The following MGAT4C variants were observed in gnomAD, a reference collection of about 807,000 sequenced individuals.
The protein encoded by MGAT4C is MGAT4 family member C, also known as alpha-1,3-mannosyl-glycoprotein 4-beta-N-acetylglucosaminyltransferase C.
MGAT4C carries 19 observed loss-of-function variants against 40.1 expected under a neutral mutation model. That is an observed-to-expected ratio of 0.47 (90% CI 0.33 to 0.70). MGAT4C has a LOEUF of 0.70. MGAT4C is among the 30% of genes least tolerant of loss of function. The pLI is 0.02. For synonymous variants in MGAT4C, 181 were observed against 187.1 expected, an observed-to-expected ratio of 0.97 and a Z score of 0.27; for missense variants, 491 against 563.2, an observed-to-expected ratio of 0.87 and a Z score of 1.30.
intron 1 of MGAT4C, among the ~76,000 whole-genome samples, chr12:86,775,890 C>T (rs1423888013): frequency 2.0e-5 from 3 of 151,430 alleles, no homozygotes; most frequent in African/African-American, 7.3e-5. Flanking sequence ...GAGTCATTAT[C>T]AATCATAGGA....
chr12:86,035,734 A>G (rs1891170962), intron 2 of MGAT4C, among the ~76,000 whole-genome samples: 1 of 149,946 alleles, frequency 6.7e-6, no homozygotes, highest in Admixed American at 6.7e-5. Context: ...TCTTTAGTCC[A>G]TCTTGGGTTA....
Position 86,785,099 on chromosome 12 carries a change from AGCTGCCAGGAAT to A in MGAT4C, c.-262+53555_-262+53566del, listed in dbSNP as rs1156675925. On this transcript the variant is annotated intron_variant, in intron 1 of 7. Coordinates refer to the MGAT4C transcript ENST00000548651. ...GTTTCATCAAATGAAAGGCACCATTAGCTGCCAGGAATAACTCTATAAATACAGTCGCTAAAT... is the reference window on the plus strand; with the variant it reads ...GTTTCATCAAATGAAAGGCACCATTAAACTCTATAAATACAGTCGCTAAAT... Among the ~76,000 whole-genome samples, 3 of 152,048 alleles carry A rather than the reference AGCTGCCAGGAAT, an allele frequency of 2.0e-5. No individual in the cohort carries two copies. The East Asian group carries it at 5.8e-4, about 29-fold the overall frequency.
intron 2 of MGAT4C, among the ~76,000 whole-genome samples, chr12:86,525,203 T>C (rs1958860698): frequency 6.6e-6 from 1 of 152,184 alleles, no homozygotes; most frequent in Non-Finnish European, 1.5e-5. Context: ...GTTCTCATTA[T>C]ACTGAGTGAG....
chr12:86,699,677 A>T (rs1950320481), intron 2 of MGAT4C, among the ~76,000 whole-genome samples: 1 of 152,180 alleles, frequency 6.6e-6, no homozygotes, highest in South Asian at 2.1e-4. Flanking sequence ...TATCATAGAA[A>T]ATGGATTAAC....
intron 1 of MGAT4C, among the ~76,000 whole-genome samples, chr12:86,183,563 A>G (rs1888358734): frequency 6.6e-6 from 1 of 152,334 alleles, no homozygotes; most frequent in South Asian, 2.1e-4. Flanking sequence ...TAATCAGCTC[A>G]GGCTACCATA....
At chr12:86,566,564 ATATATATAT>A (rs1960121519) in intron 2 of MGAT4C, among the ~76,000 whole-genome samples, 1 of 116,894 alleles carries the variant, frequency 8.6e-6, no homozygotes, top group Non-Finnish European at 1.8e-5. Context: ...ATATATATAT[ATATATATAT>A]ATGTATATGT....
At chr12:86,600,331 C>T (rs1440023192) in intron 2 of MGAT4C, among the ~76,000 whole-genome samples, 1 of 152,088 alleles carries the variant, frequency 6.6e-6, no homozygotes, top group African/African-American at 2.4e-5. Context: ...ATAGGTGGGA[C>T]GTGCATCGGT....
intron 2 of MGAT4C, among the ~76,000 whole-genome samples, chr12:86,013,312 G>A (rs1039674129): frequency 1.3e-5 from 2 of 152,062 alleles, no homozygotes; most frequent in Non-Finnish European, 2.9e-5. Flanking sequence ...GGAGTGCAGT[G>A]GCGCGATCTC....
chr12:86,375,589 A>G (rs1955809025), intron 3 of MGAT4C, among the ~76,000 whole-genome samples: 1 of 152,080 alleles, frequency 6.6e-6, no homozygotes, highest in Non-Finnish European at 1.5e-5. Context: ...ATTCTTCCAA[A>G]CTAGGATACA....
intron 2 of MGAT4C, among the ~76,000 whole-genome samples, chr12:86,667,551 T>C (rs1964144487): frequency 6.6e-6 from 1 of 152,172 alleles, no homozygotes; most frequent in Non-Finnish European, 1.5e-5. Context: ...TCAGTCTCTG[T>C]TACTATTAAA....
intron 4 of MGAT4C, among the ~76,000 whole-genome samples, chr12:86,286,078 G>T (rs140797873): frequency 3.3e-5 from 5 of 152,010 alleles, no homozygotes; most frequent in African/African-American, 1.2e-4. Flanking sequence ...TAAACATACT[G>T]TGTAGAAATA....
At chr12:86,564,352 C>A (rs1250416620) in intron 2 of MGAT4C, among the ~76,000 whole-genome samples, 1 of 152,046 alleles carries the variant, frequency 6.6e-6, no homozygotes, top group African/African-American at 2.4e-5. Context: ...CTTCAGCTGG[C>A]AAGGCCAGCA....
intron 2 of MGAT4C, among the ~76,000 whole-genome samples, chr12:86,709,116 G>A (rs920350137): frequency 2.0e-5 from 3 of 152,106 alleles, no homozygotes; most frequent in Non-Finnish European, 4.4e-5. Context: ...CCAGTGGGAG[G>A]TAATTGAATC....
intron 1 of MGAT4C, among the ~76,000 whole-genome samples, chr12:86,170,299 C>T (rs1448975958): frequency 1.3e-5 from 2 of 152,094 alleles, no homozygotes; most frequent in Non-Finnish European, 2.9e-5. Context: ...TTCATAAAAG[C>T]TCAAAAATGT....
In MGAT4C at chr12:85,965,163, A is replaced by C. The variant is rs1374902922; in HGVS notation, c.*14126T>G. On this transcript the variant is annotated 3_prime_UTR_variant, in exon 5 of 5. Transcript: ENST00000611864. Reference sequence around the variant, plus strand: ...ACTTTAAGTTTTAGGGTACATGTGCATAACGTGCAGGTTTGTTACATATGT... The same window carrying C: ...ACTTTAAGTTTTAGGGTACATGTGCCTAACGTGCAGGTTTGTTACATATGT... The C allele has an allele frequency of 2.4e-4, 36 of 152,172 alleles. No individual in the cohort carries two copies. Among genetic ancestry groups the C allele is most frequent in the Admixed American group, 2.4e-3 (36 of 15,250 alleles). The allele number at this position is 152,172 out of a possible 1,614,324, so 9.4% of individuals were successfully genotyped here.
intron 2 of MGAT4C, among the ~76,000 whole-genome samples, chr12:86,686,503 G>A (rs6538049): frequency 0.98 from 148,913 of 152,280 alleles, 72,877 homozygotes; most frequent in Middle Eastern, 1. Context: ...GTTTTGAGAT[G>A]TGCTCCATCA....
intron 2 of MGAT4C, among the ~76,000 whole-genome samples, chr12:86,581,984 T>A (rs1039747451): frequency 6.6e-6 from 1 of 151,486 alleles, no homozygotes; most frequent in Non-Finnish European, 1.5e-5. Context: ...TTATAGATTT[T>A]CTGGGATATT....
At chr12:86,176,718 T>C (rs928069931) in intron 1 of MGAT4C, among the ~76,000 whole-genome samples, 1 of 151,414 alleles carries the variant, frequency 6.6e-6, no homozygotes, top group Non-Finnish European at 1.5e-5. Flanking sequence ...TAATTTCTTA[T>C]ATGTTGTGAA....
intron 4 of MGAT4C, among the ~76,000 whole-genome samples, chr12:86,320,507 A>T (rs1051027987): frequency 1.3e-5 from 2 of 152,280 alleles, no homozygotes; most frequent in South Asian, 4.1e-4. Context: ...AAATTTATTG[A>T]GAATTTGCCA....
Sources: gnomAD v4.1 joint callset for allele counts (sites outside exome capture counted in the v4.1 genomes callset) on GRCh38, gnomAD v4.1.1 for gene constraint, MANE v1.5 for transcripts, NCBI Gene and HGNC (gene_info 2026-07-23, HGNC 2026-07-21) for gene names.